Variants in CDH6 observed in about 807,000 individuals in gnomAD.
The protein encoded by CDH6 is cadherin 6.
CDH6 carries 31 observed loss-of-function variants against 78.0 expected under a neutral mutation model. That is an observed-to-expected ratio of 0.40 (90% CI 0.30 to 0.54). The LOEUF (loss-of-function observed/expected upper bound fraction) is 0.54. Among genes scored for constraint, CDH6 ranks in the 20% least tolerant of loss-of-function variants. The pLI, the probability that CDH6 is intolerant of heterozygous loss-of-function variation, is 0.56. For synonymous variants in CDH6, 376 were observed against 368.8 expected, an observed-to-expected ratio of 1.02 and a Z score of -0.23; for missense variants, 724 against 975.9, an observed-to-expected ratio of 0.74 and a Z score of 3.44.
Position 31,206,307 on chromosome 5 carries a change from G to A in CDH6, c.-129+12421G>A, listed in dbSNP as rs199962879. ...TATACATATATCTTATATGTAACATGTACACATTTCTCAAGGCTTAAAAAT... is the reference window on the plus strand; with the variant it reads ...TATACATATATCTTATATGTAACATATACACATTTCTCAAGGCTTAAAAAT... On this transcript the variant is annotated intron_variant, in intron 1 of 11. Transcript: ENST00000265071. Among the ~76,000 whole-genome samples, 8 of 152,112 alleles carry A rather than the reference G, an allele frequency of 5.3e-5. No homozygotes were observed. In the East Asian group the frequency reaches 1.3e-3, roughly 26 times the overall value.
chr5:31,276,750 T>G (rs1307452171), intron 2 of CDH6, among the ~76,000 whole-genome samples: 1 of 152,220 alleles, frequency 6.6e-6, no homozygotes, highest in Non-Finnish European at 1.5e-5. Context: ...TCTGACTACG[T>G]GTGTAATATT....
intron 8 of CDH6, among the ~76,000 whole-genome samples, chr5:31,315,186 C>T (rs964632727): frequency 2.0e-5 from 3 of 152,118 alleles, no homozygotes; most frequent in Non-Finnish European, 4.4e-5. Flanking sequence ...TCTCTCAATC[C>T]TTTTTCCCTA....
chr5:31,220,825 A>C (rs1407706851), intron 1 of CDH6, among the ~76,000 whole-genome samples: 1 of 152,162 alleles, frequency 6.6e-6, no homozygotes, highest in Non-Finnish European at 1.5e-5. Flanking sequence ...GGAAGATGAA[A>C]ACTGGCCAAG....
intron 5 of CDH6, among the ~76,000 whole-genome samples, chr5:31,300,031 G>T (rs554906248): frequency 6.6e-6 from 1 of 152,300 alleles, no homozygotes; most frequent in South Asian, 2.1e-4. Context: ...AGCTTTATAA[G>T]GGGAGGATTT....
At chr5:31,207,198 A>G (rs1029226606) in intron 1 of CDH6, among the ~76,000 whole-genome samples, 5 of 152,356 alleles carry the variant, frequency 3.3e-5, no homozygotes, top group African/African-American at 1.2e-4. Flanking sequence ...GAGGTGCAGT[A>G]TGTGGTCAAA....
chr5:31,292,873 ATG>A (rs1737446883), intron 2 of CDH6, among the ~76,000 whole-genome samples: 1 of 106,772 alleles, frequency 9.4e-6, no homozygotes, highest in Admixed American at 1.0e-4. Context: ...ATATATATAT[ATG>A]TATGTGTTTG....
At position 31,302,168 on chromosome 5, in the gene CDH6, T is replaced by A; in HGVS notation, c.869T>A (p.Ile290Asn). Residue 290 changes from isoleucine (I) to asparagine (N), a missense_variant, in exon 6 of 12, where the codon ATC becomes AAC. This residue lies in a region of CDH6 where 446 missense variants were observed against 684.5 expected (regional missense o/e 0.65). Coordinates refer to ENST00000265071, the MANE Select transcript of CDH6 (RefSeq NM_004932.4). ...CCACCGGGGACACCAATTGGCAGAATCAAAGCCAGCGACGCTGATGTGGGA... is the reference window on the plus strand; with the variant it reads ...CCACCGGGGACACCAATTGGCAGAAACAAAGCCAGCGACGCTGATGTGGGA... Reference protein sequence around the residue: ...SSPPGTPIGRIKASDADVGEN... With the variant: ...SSPPGTPIGRNKASDADVGEN... 1 of 1,614,034 alleles carries A rather than the reference T, an allele frequency of 6.2e-7. No homozygotes were observed. Among genetic ancestry groups the A allele is most frequent in the Non-Finnish European group, 8.5e-7 (1 of 1,179,942 alleles).
intron 1 of CDH6, among the ~76,000 whole-genome samples, chr5:31,213,613 TA>T (rs1309481279): frequency 1.3e-5 from 2 of 152,234 alleles, no homozygotes; most frequent in Non-Finnish European, 2.9e-5. Flanking sequence ...GTCCTTTTTT[TA>T]AAGCCTTTTC....
chr5:31,302,954 A>AGAAAGAAAGAAGGAAG (rs1491181731), intron 6 of CDH6, among the ~76,000 whole-genome samples: 1 of 129,694 alleles, frequency 7.7e-6, no homozygotes, highest in African/African-American at 2.8e-5. Flanking sequence ...AAAGAAAGAA[A>AGAAAGAAAGAAGGAAG]GAAGGAAAGA....
intron 2 of CDH6, among the ~76,000 whole-genome samples, chr5:31,271,883 C>A (rs1742540543): frequency 6.6e-6 from 1 of 152,132 alleles, no homozygotes; most frequent in South Asian, 2.1e-4. Flanking sequence ...TTTAAAAATA[C>A]CTTCCCTGGG....
chr5:31,302,798 GAGAAAGAAAGAAAGAAAGAAAGAA>G (rs1180539177), intron 6 of CDH6, among the ~76,000 whole-genome samples: 1 of 36,598 alleles, frequency 2.7e-5, no homozygotes, highest in African/African-American at 1.0e-4. Flanking sequence ...GAGAGAGAGA[GAGAAAGAAAGAAAGAAAGAAAGAA>G]AGAAAGAAAG....
intron 1 of CDH6, among the ~76,000 whole-genome samples, chr5:31,259,352 G>C (rs963256504): frequency 2.0e-5 from 3 of 152,050 alleles, no homozygotes; most frequent in Non-Finnish European, 2.9e-5. Flanking sequence ...TTCTGTTTTG[G>C]ACTTGCCATC....
chr5:31,236,739 A>T (rs1387507406), intron 1 of CDH6, among the ~76,000 whole-genome samples: 2 of 152,134 alleles, frequency 1.3e-5, no homozygotes, highest in African/African-American at 4.8e-5. Context: ...CTGGCTGTGA[A>T]CCTGTTTTGA....
intron 1 of CDH6, among the ~76,000 whole-genome samples, chr5:31,246,681 T>C (rs1474905105): frequency 2.0e-5 from 3 of 152,230 alleles, no homozygotes; most frequent in Admixed American, 2.0e-4. Context: ...TCTTATTGAG[T>C]AGACCGCAAA....
chr5:31,251,368 C>T (rs187516152), intron 1 of CDH6: 1 of 152,268 alleles, frequency 6.6e-6, no homozygotes, highest in Non-Finnish European at 1.5e-5. Context: ...CAATCCTCAC[C>T]GCTTGGGCAG....
chr5:31,270,261 A>G (rs890275517), intron 2 of CDH6, among the ~76,000 whole-genome samples: 3 of 152,222 alleles, frequency 2.0e-5, no homozygotes, highest in African/African-American at 7.2e-5. Flanking sequence ...TGGTTCACAG[A>G]GCCCTTAGGC....
chr5:31,257,964 G>A (rs1742100756), intron 1 of CDH6, among the ~76,000 whole-genome samples: 1 of 152,108 alleles, frequency 6.6e-6, no homozygotes, highest in South Asian at 2.1e-4. Context: ...TGTACTCTGG[G>A]CAAAGTATTC....
intron 7 of CDH6, among the ~76,000 whole-genome samples, chr5:31,310,897 T>C (rs1337316661): frequency 6.6e-6 from 1 of 152,144 alleles, no homozygotes; most frequent in Non-Finnish European, 1.5e-5. Context: ...TAAAACCATT[T>C]TTTTTCCTCC....
At position 31,328,253 on chromosome 5, in the gene CDH6, A is replaced by T; in HGVS notation, c.*4945A>T. The T allele has an allele frequency of 5.3e-6, 1 of 188,706 alleles. No individual in the cohort carries two copies. 11.7% of individuals were successfully genotyped at this position (188,706 alleles called of 1,614,324 possible). On this transcript the variant is annotated 3_prime_UTR_variant, in exon 12 of 12. Coordinates refer to ENST00000265071, the MANE Select transcript of CDH6 (RefSeq NM_004932.4). ...TCCTCAAATGGGGTTAATCTGACAA[A>T]CGAGGCATGGACCCAGCCTTGTGGA...
Sources: allele counts gnomAD v4.1 joint callset (sites outside exome capture counted in the v4.1 genomes callset), GRCh38; gene constraint gnomAD v4.1.1; regional missense constraint gnomAD v4.1.1; transcripts MANE v1.5; gene names NCBI Gene and HGNC (gene_info 2026-07-23, HGNC 2026-07-21).